DAAM1: variants seen among roughly 807,000 people sequenced by gnomAD.
The protein encoded by DAAM1 is dishevelled associated activator of morphogenesis 1.
A neutral mutation model predicts 130.0 loss-of-function variants in DAAM1; 52 were observed. The ratio of observed to expected loss-of-function variants is 0.40; its 90% CI spans 0.32 to 0.50. The LOEUF (loss-of-function observed/expected upper bound fraction) is 0.50. DAAM1 is among the 20% of genes least tolerant of loss of function. The pLI is 0.61. For synonymous variants in DAAM1, 452 were observed against 444.5 expected (o/e 1.02, Z -0.21); for missense variants, 1,134 against 1,303.8 (o/e 0.87, Z 2.01).
chr14:59,309,336 G>A lies in DAAM1; in HGVS notation c.274-5944G>A, dbSNP rs146109585. ...AAGGTACACTTCACAGGCATGGTAG[G>A]TCACTGCTTCTCTAGAAAAAGTTCA... On this transcript the variant is annotated intron_variant, in intron 3 of 24. Coordinates refer to ENST00000360909, the MANE Select transcript of DAAM1 (RefSeq NM_001270520.2). Among the ~76,000 whole-genome samples, 570 of 152,334 alleles carry A rather than the reference G, an allele frequency of 3.7e-3. 3 individuals are homozygous for A. Among genetic ancestry groups the A allele is most frequent in the African/African-American group, 0.013 (540 of 41,584 alleles).
chr14:59,311,486 C>T (rs1330512323), intron 3 of DAAM1, among the ~76,000 whole-genome samples: 1 of 150,640 alleles, frequency 6.6e-6, no homozygotes, highest in African/African-American at 2.5e-5. Context: ...TTAGAACTTA[C>T]TTCTAATTGT....
chr14:59,257,222 T>C (rs1369037051), intron 1 of DAAM1, among the ~76,000 whole-genome samples: 2 of 152,168 alleles, frequency 1.3e-5, no homozygotes, highest in East Asian at 1.9e-4. Flanking sequence ...CCCAGTCACG[T>C]ATCTCTGACA....
intron 3 of DAAM1, among the ~76,000 whole-genome samples, chr14:59,307,614 G>A (rs1317420213): frequency 1.3e-5 from 2 of 152,192 alleles, no homozygotes; most frequent in African/African-American, 2.4e-5. Flanking sequence ...GTGGCATTTT[G>A]TATTGGCTCA....
chr14:59,204,847 C>T (rs182545014), intron 1 of DAAM1, among the ~76,000 whole-genome samples: 1 of 152,302 alleles, frequency 6.6e-6, no homozygotes, highest in Non-Finnish European at 1.5e-5. Context: ...GCCTGGCCAA[C>T]ATGGCAAAAA....
intron 1 of DAAM1, among the ~76,000 whole-genome samples, chr14:59,253,609 C>T (rs1160431819): frequency 6.6e-6 from 1 of 152,084 alleles, no homozygotes; most frequent in African/African-American, 2.4e-5. Flanking sequence ...CCAAGTATGC[C>T]AAGAGCCATT....
At chr14:59,279,785 CAA>C (rs1883129381) in intron 2 of DAAM1, among the ~76,000 whole-genome samples, 1 of 151,978 alleles carries the variant, frequency 6.6e-6, no homozygotes, top group Middle Eastern at 3.2e-3. Flanking sequence ...AAAATATTAA[CAA>C]AATGAGAAGG....
chr14:59,285,959 A>G (rs962950399), intron 2 of DAAM1, among the ~76,000 whole-genome samples: 12 of 152,254 alleles, frequency 7.9e-5, no homozygotes, highest in Middle Eastern at 3.4e-3. Flanking sequence ...TCCAACAACA[A>G]TAGAATATAT....
rs1476676492 is a variant in DAAM1, at chr14:59,359,106, A to G, written c.2526-291A>G. 5 of 218,282 alleles carry G rather than the reference A, an allele frequency of 2.3e-5. No individual in the cohort carries two copies. The East Asian group carries it at 5.2e-4, about 23-fold the overall frequency. 13.5% of individuals were successfully genotyped at this position (218,282 alleles called of 1,614,324 possible). ...CATCACATTACCCAGATTTTGAAAG[A>G]TGCTCATTATGGGCCACAAATGTAA... On this transcript the variant is annotated intron_variant, in intron 20 of 24. Transcript: ENST00000360909.
At position 59,327,402 on chromosome 14, in the gene DAAM1, CTTTTTTTTTTTTTT is replaced by C. The variant is rs386381493; in HGVS notation, c.1372+422_1372+435del. 5.1e-5 allele frequency among the ~76,000 whole-genome samples: 3 copies of C among 58,992 alleles called. 1 individual carries two copies. Among genetic ancestry groups the C allele is most frequent in the Non-Finnish European group, 8.8e-5 (3 of 34,004 alleles). The allele number at this position is 58,992 out of a possible 152,430, so 38.7% of individuals were successfully genotyped here. On this transcript the variant is annotated intron_variant, in intron 12 of 24. Transcript: ENST00000360909. ...AAGAGAAGAACAGGTCACTTGGTTT[CTTTTTTTTTTTTTT>C]TTTTTTTTTTGAGATGGAGTCTTGC... is the stretch of plus-strand genomic sequence containing the variant.
intron 24 of DAAM1, among the ~76,000 whole-genome samples, chr14:59,367,844 T>TAAAG (rs1279026354): frequency 6.6e-6 from 1 of 152,134 alleles, no homozygotes; most frequent in African/African-American, 2.4e-5. Flanking sequence ...GCAATTATTT[T>TAAAG]AAAGAAATAA....
chr14:59,323,040 C>T lies in DAAM1; in HGVS notation c.589C>T (p.His197Tyr), dbSNP rs756705889. The change falls in exon 6 of 25, where the codon CAC becomes TAC. Residue 197 changes from histidine (H) to tyrosine (Y), a missense_variant. His to Tyr is a moderately conservative substitution (Grantham distance 83). Around this residue, in one of 3 missense-constraint regions of DAAM1, gnomAD observed 391 missense variants for 521.6 expected, o/e 0.75. Coordinates refer to ENST00000360909, the MANE Select transcript of DAAM1 (RefSeq NM_001270520.2). Reference protein sequence around the residue: ...ALMNNSQGRAHVLAHSESINV... With the variant: ...ALMNNSQGRAYVLAHSESINV... Reference sequence around the variant, plus strand: ...AATGAACAACTCTCAAGGCCGGGCTCACGTCCTGGCTCATTCTGAGAGTAT... The same window carrying T: ...AATGAACAACTCTCAAGGCCGGGCTTACGTCCTGGCTCATTCTGAGAGTAT... 6.2e-7 allele frequency: 1 copy of T among 1,614,108 alleles called. No homozygotes were observed. The highest frequency in any genetic ancestry group is 1.1e-5 in the South Asian group (1 of 91,074).
At chr14:59,242,934 G>T (rs1215781418) in intron 1 of DAAM1, among the ~76,000 whole-genome samples, 2 of 152,086 alleles carry the variant, frequency 1.3e-5, no homozygotes, top group African/African-American at 4.8e-5. Context: ...ATATGTAGAA[G>T]GTACTCAGTA....
intron 2 of DAAM1, 110 bp downstream of exon 2, chr14:59,263,770 A>G: frequency 7.4e-7 from 1 of 1,357,004 alleles, no homozygotes; most frequent in Non-Finnish European, 1.0e-6. Flanking sequence ...TTTCAGTGAA[A>G]TGGCCCCCAT....
chr14:59,247,111 A>G (rs534355556), intron 1 of DAAM1, among the ~76,000 whole-genome samples: 2 of 152,116 alleles, frequency 1.3e-5, no homozygotes, highest in South Asian at 2.1e-4. Flanking sequence ...TTGCATGCAG[A>G]TATTCAGGTT....
intron 1 of DAAM1, among the ~76,000 whole-genome samples, chr14:59,191,132 AGT>A (rs1224191928): frequency 6.6e-6 from 1 of 152,166 alleles, no homozygotes; most frequent in African/African-American, 2.4e-5. Context: ...TATGGGGGAA[AGT>A]GTGTATATGA....
intron 2 of DAAM1, among the ~76,000 whole-genome samples, chr14:59,269,635 G>A (rs1190757285): frequency 1.3e-5 from 2 of 152,210 alleles, no homozygotes; most frequent in African/African-American, 2.4e-5. Flanking sequence ...TAATCTTGCT[G>A]GGGAAGGAGG....
At chr14:59,305,431 A>C (rs1390358628) in intron 3 of DAAM1, among the ~76,000 whole-genome samples, 1 of 152,184 alleles carries the variant, frequency 6.6e-6, no homozygotes, top group African/African-American at 2.4e-5. Context: ...TGAGAATTTT[A>C]GGCTTCAGTC....
At chr14:59,223,050 C>T (rs934129578) in intron 1 of DAAM1, among the ~76,000 whole-genome samples, 4 of 152,226 alleles carry the variant, frequency 2.6e-5, no homozygotes, top group Non-Finnish European at 5.9e-5. Context: ...GAATCATCTG[C>T]AAACTAGGCC....
intron 1 of DAAM1, among the ~76,000 whole-genome samples, chr14:59,225,108 A>G (rs139708524): frequency 0.022 from 3,150 of 141,146 alleles, 40 homozygotes; most frequent in Admixed American, 0.034. Context: ...GCCCACTGCA[A>G]CCTCTGCCTC....
Sources: gnomAD v4.1 joint callset for allele counts (sites outside exome capture counted in the v4.1 genomes callset) on GRCh38, gnomAD v4.1.1 for gene constraint, gnomAD v4.1.1 regional missense constraint, MANE v1.5 for transcripts, NCBI Gene and HGNC (gene_info 2026-07-23, HGNC 2026-07-21) for gene names.